The following SCFD1 variants were observed in gnomAD, a reference collection of about 807,000 sequenced individuals.
The protein encoded by SCFD1 is sec1 family domain-containing protein 1.
Under a neutral mutation model 103.2 loss-of-function variants are expected in SCFD1, and 37 were observed. The ratio of observed to expected loss-of-function variants is 0.36; its 90% confidence interval spans 0.28 to 0.47. The LOEUF is 0.47. Ranked by LOEUF, SCFD1 falls within the 20% of genes least tolerant of loss-of-function variation. The pLI, the probability that SCFD1 is intolerant of heterozygous loss-of-function variation, is 1.00. For missense variants in SCFD1, 639 were observed against 761.2 expected (o/e 0.84, Z 1.89); for synonymous variants, 264 against 245.0 (o/e 1.08, Z -0.73).
At chr14:30,678,162 G>A (rs1889196031) in intron 14 of SCFD1, among the ~76,000 whole-genome samples, 2 of 152,014 alleles carry the variant, frequency 1.3e-5, no homozygotes, top group African/African-American at 4.8e-5. Flanking sequence ...CTAGCTAGAA[G>A]ATTGTGTCAT....
At chr14:30,626,048 G>T (rs1402425062) in intron 1 of SCFD1, among the ~76,000 whole-genome samples, 1 of 152,078 alleles carries the variant, frequency 6.6e-6, no homozygotes, top group Non-Finnish European at 1.5e-5. Flanking sequence ...ATTGCCTGGA[G>T]GTGGAGGAAG....
rs187783001 is a variant in SCFD1 at position 30,700,398 on chromosome 14, C to T, written c.1410+140C>T. ...TTTCTTTAAAAGAAAAATGGCCAGG[C>T]GTGGTGACTCACACCTGTAATCCCA... On this transcript the variant is annotated intron_variant, in intron 16 of 24. Coordinates refer to ENST00000458591, the MANE Select transcript of SCFD1 (RefSeq NM_016106.4). The T allele has an allele frequency of 1.3e-3, 852 of 645,418 alleles. 5 individuals carry two copies. The highest frequency in any genetic ancestry group is 3.7e-3 in the South Asian group (193 of 52,750). 40.0% of individuals were successfully genotyped at this position (645,418 alleles called of 1,614,324 possible). A position where few individuals can be genotyped will look rare whatever the true frequency, so the allele number is the denominator to read the frequency against.
rs192743044 is a variant in SCFD1, at chr14:30,733,300, G to A, written c.1837-1490G>A. 4.8e-4 allele frequency among the ~76,000 whole-genome samples: 73 copies of A among 152,204 alleles called. No individual in the cohort carries two copies. The East Asian group carries it at 0.012, about 26-fold the overall frequency. On this transcript the variant is annotated intron_variant, in intron 23 of 24. Transcript: ENST00000458591. ...TGAGATTACAGGCATGAGCCACTGC[G>A]CCCAGCCCATAAAGTTCAATTTTTA...
At chr14:30,695,224 A>G (rs1890610539) in intron 15 of SCFD1, among the ~76,000 whole-genome samples, 1 of 152,162 alleles carries the variant, frequency 6.6e-6, no homozygotes, top group Non-Finnish European at 1.5e-5. Context: ...ACTTTGGTCT[A>G]CCCTCAATTT....
At chr14:30,703,953 ATATATATATAAAT>A (rs1891279787) in intron 17 of SCFD1, among the ~76,000 whole-genome samples, 11 of 57,416 alleles carry the variant, frequency 1.9e-4, no homozygotes, top group East Asian at 2.6e-3. Flanking sequence ...ATATATATAT[ATATATATATAAAT>A]AATGAGATAT....
chr14:30,690,839 C>T (rs1890243089), intron 14 of SCFD1, among the ~76,000 whole-genome samples: 1 of 152,214 alleles, frequency 6.6e-6, no homozygotes. Flanking sequence ...TCCTCGCCCA[C>T]TTATTCTTAA....
At chr14:30,693,812 C>A (rs185115779) in intron 14 of SCFD1, among the ~76,000 whole-genome samples, 1 of 152,214 alleles carries the variant, frequency 6.6e-6, no homozygotes, top group Admixed American at 6.5e-5. Flanking sequence ...TTTATAATTT[C>A]ATGAATGGTT....
intron 1 of SCFD1, among the ~76,000 whole-genome samples, chr14:30,627,061 TAAGGCTGTCAATTTTATA>T (rs1403690298): frequency 6.6e-6 from 1 of 152,228 alleles, no homozygotes; most frequent in Non-Finnish European, 1.5e-5. Flanking sequence ...AAGTGGATTT[TAAGGCTGTCAATTTTATA>T]AAAATTAAAT....
chr14:30,630,719 A>G, intron 3 of SCFD1, 154 bp downstream of exon 3: 2 of 550,400 alleles, frequency 3.6e-6, no homozygotes, highest in South Asian at 5.1e-5. Context: ...AAAAATCCTC[A>G]GTCTGAGGCT....
chr14:30,634,213 GA>G (rs1884471793), intron 4 of SCFD1, among the ~76,000 whole-genome samples, 176 bp downstream of exon 4: 1 of 152,086 alleles, frequency 6.6e-6, no homozygotes, highest in African/African-American at 2.4e-5. Flanking sequence ...ACTTTTGGCT[GA>G]AGAAGTATTA....
chr14:30,679,120 A>G (rs1889267977), intron 14 of SCFD1, among the ~76,000 whole-genome samples: 1 of 152,190 alleles, frequency 6.6e-6, no homozygotes, highest in East Asian at 1.9e-4. Context: ...CACCACACCA[A>G]ATTAACTGAT....
At chr14:30,703,522 T>C (rs1325819818) in intron 17 of SCFD1, among the ~76,000 whole-genome samples, 1 of 151,480 alleles carries the variant, frequency 6.6e-6, no homozygotes, top group Non-Finnish European at 1.5e-5. Flanking sequence ...TTTCTTTATT[T>C]TTCAAATTTT....
intron 6 of SCFD1, among the ~76,000 whole-genome samples, chr14:30,640,639 C>T (rs975575682): frequency 8.6e-5 from 13 of 151,956 alleles, no homozygotes; most frequent in Admixed American, 2.0e-4. Context: ...GTTGAATTCC[C>T]TTAAACATTT....
chr14:30,722,594 G>T (rs765900103), intron 23 of SCFD1, 35 bp downstream of exon 23: 1 of 1,401,344 alleles, frequency 7.1e-7, no homozygotes, highest in South Asian at 1.3e-5. Flanking sequence ...TCTGTTGTTA[G>T]ATGGTTTCAT....
chr14:30,707,719 GTTTATT>G, intron 18 of SCFD1: 1 of 420,674 alleles, frequency 2.4e-6, no homozygotes, highest in Admixed American at 3.4e-5. Flanking sequence ...AAATTAAGAT[GTTTATT>G]TTGAGGGCAG....
At chr14:30,730,009 T>G (rs893248355) in intron 23 of SCFD1, among the ~76,000 whole-genome samples, 8 of 152,210 alleles carry the variant, frequency 5.3e-5, no homozygotes, top group Admixed American at 3.3e-4. Flanking sequence ...CTCTCCCCGC[T>G]TCCCTTACCC....
At chr14:30,704,923 C>A (rs571165847) in intron 17 of SCFD1, among the ~76,000 whole-genome samples, 3 of 152,168 alleles carry the variant, frequency 2.0e-5, no homozygotes, top group Non-Finnish European at 4.4e-5. Flanking sequence ...ACACCAACAT[C>A]TTAACAGGGG....
At chr14:30,636,625 C>G (rs925759113) in intron 4 of SCFD1, among the ~76,000 whole-genome samples, 1 of 152,086 alleles carries the variant, frequency 6.6e-6, no homozygotes, top group African/African-American at 2.4e-5. Context: ...GTGTTGATAT[C>G]TCTTGCTTGA....
intron 3 of SCFD1, among the ~76,000 whole-genome samples, chr14:30,633,299 G>A (rs907258054): frequency 6.6e-6 from 1 of 152,156 alleles, no homozygotes; most frequent in African/African-American, 2.4e-5. Flanking sequence ...AGCATGGTTT[G>A]ATGTTGGGAT....
Sources: allele counts gnomAD v4.1 joint callset (sites outside exome capture counted in the v4.1 genomes callset), GRCh38; gene constraint gnomAD v4.1.1; transcripts MANE v1.5; gene names NCBI Gene and HGNC (gene_info 2026-07-23, HGNC 2026-07-21).